PPP3CC: variants seen among roughly 807,000 people sequenced by gnomAD.
PPP3CC encodes serine/threonine-protein phosphatase 2B catalytic subunit gamma isoform.
Under a neutral mutation model 60.3 loss-of-function variants are expected in PPP3CC, and 35 were observed. The ratio of observed to expected loss-of-function variants is 0.58; its 90% CI spans 0.44 to 0.77. The LOEUF (loss-of-function observed/expected upper bound fraction) is 0.77. Ranked by LOEUF, PPP3CC falls within the 30% of genes least tolerant of loss-of-function variation. The pLI is 0.00. For missense variants in PPP3CC, 570 were observed against 628.9 expected, an observed-to-expected ratio of 0.91 and a Z score of 1.00; for synonymous variants, 206 against 224.3, an observed-to-expected ratio of 0.92 and a Z score of 0.73.
intron 3 of PPP3CC, among the ~76,000 whole-genome samples, chr8:22,479,509 T>C (rs1189422750): frequency 6.6e-6 from 1 of 151,882 alleles, no homozygotes. Context: ...GAGACAAATC[T>C]CTGAAATTAA....
chr8:22,510,628 G>A (rs945492608), intron 4 of PPP3CC, among the ~76,000 whole-genome samples: 2 of 152,168 alleles, frequency 1.3e-5, no homozygotes, highest in Middle Eastern at 3.2e-3. Flanking sequence ...CATCTCTCTT[G>A]CCCCCTCCCA....
intron 3 of PPP3CC, among the ~76,000 whole-genome samples, chr8:22,492,212 A>T (rs1040474326): frequency 5.9e-5 from 9 of 152,042 alleles, no homozygotes; most frequent in African/African-American, 1.7e-4. Context: ...TTGTGTGTCT[A>T]AACATATCTA....
intron 1 of PPP3CC, among the ~76,000 whole-genome samples, chr8:22,474,037 G>A (rs2132466522): frequency 6.6e-6 from 1 of 151,956 alleles, no homozygotes; most frequent in East Asian, 1.9e-4. Flanking sequence ...TGGGATTATG[G>A]GCACTTGTCA....
At chr8:22,503,962 T>C (rs1298907904) in intron 4 of PPP3CC, among the ~76,000 whole-genome samples, 2 of 152,192 alleles carry the variant, frequency 1.3e-5, no homozygotes, top group African/African-American at 2.4e-5. Flanking sequence ...CAGTGGCCAC[T>C]GTGGCTTTTA....
At chr8:22,510,182 C>CAAAAAAAAA (rs71546815) in intron 4 of PPP3CC, among the ~76,000 whole-genome samples, 3 of 88,274 alleles carry the variant, frequency 3.4e-5, no homozygotes, top group Non-Finnish European at 4.5e-5. Context: ...GACTCCGTCT[C>CAAAAAAAAA]AAAAAAAAAA....
intron 8 of PPP3CC, among the ~76,000 whole-genome samples, chr8:22,526,205 G>A (rs1406417370): frequency 2.0e-5 from 3 of 152,082 alleles, no homozygotes; most frequent in African/African-American, 7.2e-5. Context: ...CTAGTTACAC[G>A]AAAGACCTTT....
At position 22,531,601 on chromosome 8, in the gene PPP3CC, T is replaced by C. The variant is rs570809595; in HGVS notation, c.1142-624T>C. On this transcript the variant is annotated intron_variant, in intron 10 of 13. Coordinates refer to ENST00000240139, the MANE Select transcript of PPP3CC (RefSeq NM_005605.5). Reference sequence around the variant, plus strand: ...CCTTGGCTTCTCATGTGTGGGCTATTTTCAGAATCTTAGATAAGAAAAAGC... The same window carrying C: ...CCTTGGCTTCTCATGTGTGGGCTATCTTCAGAATCTTAGATAAGAAAAAGC... Among the ~76,000 whole-genome samples the C allele has an allele frequency of 3.3e-5, 5 of 152,334 alleles. No homozygotes were observed. In the South Asian group the frequency reaches 1.0e-3, roughly 32 times the overall value.
At chr8:22,472,222 C>G (rs1837744161) in intron 1 of PPP3CC, among the ~76,000 whole-genome samples, 1 of 147,356 alleles carries the variant, frequency 6.8e-6, no homozygotes, top group Non-Finnish European at 1.5e-5. Context: ...AACTTTTGGA[C>G]TTTTTTGTAA....
At chr8:22,518,125 C>G (rs1407703818) in intron 6 of PPP3CC, among the ~76,000 whole-genome samples, 2 of 151,376 alleles carry the variant, frequency 1.3e-5, no homozygotes, top group Non-Finnish European at 2.9e-5. Context: ...TGCAGTGGCA[C>G]AATGATACCT....
chr8:22,510,530 AGGATATAGG>A (rs1309440475), intron 4 of PPP3CC, among the ~76,000 whole-genome samples: 4 of 152,308 alleles, frequency 2.6e-5, no homozygotes, highest in Non-Finnish European at 5.9e-5. Flanking sequence ...TATACTTAAA[AGGATATAGG>A]TCAGGAAGGG....
chr8:22,506,983 A>G (rs1203735969), intron 4 of PPP3CC, among the ~76,000 whole-genome samples: 1 of 145,048 alleles, frequency 6.9e-6, no homozygotes, highest in South Asian at 2.2e-4. Context: ...AATTTGAGCT[A>G]TGTCTCACGC....
At chr8:22,482,496 C>G (rs28757371) in intron 3 of PPP3CC, among the ~76,000 whole-genome samples, 9,041 of 152,232 alleles carry the variant, frequency 0.059, 306 homozygotes, top group East Asian at 0.11. Flanking sequence ...CCTGTTCACT[C>G]TGATGATAGG....
At chr8:22,528,106 G>T (rs1839608695) in intron 9 of PPP3CC, among the ~76,000 whole-genome samples, 1 of 152,170 alleles carries the variant, frequency 6.6e-6, no homozygotes, top group African/African-American at 2.4e-5. Flanking sequence ...GATTTAAACA[G>T]AATTTATTGT....
intron 1 of PPP3CC, among the ~76,000 whole-genome samples, chr8:22,465,590 C>A (rs1395627586): frequency 6.6e-6 from 1 of 152,182 alleles, no homozygotes; most frequent in Non-Finnish European, 1.5e-5. Flanking sequence ...CTATCTCTTG[C>A]TCTCTCTTAT....
intron 1 of PPP3CC, among the ~76,000 whole-genome samples, chr8:22,459,731 G>A (rs1170398196): frequency 6.6e-6 from 1 of 152,090 alleles, no homozygotes; most frequent in East Asian, 1.9e-4. Context: ...CCCAGAATTT[G>A]TATGTTGAAA....
intron 8 of PPP3CC, among the ~76,000 whole-genome samples, chr8:22,525,511 T>C (rs985547999): frequency 1.0e-5 from 1 of 99,646 alleles, no homozygotes; most frequent in Non-Finnish European, 2.1e-5. Context: ...TCTTTCTTTC[T>C]TTCTTTCTTT....
chr8:22,493,024 A>T, intron 3 of PPP3CC: 1 of 1,318,842 alleles, frequency 7.6e-7, no homozygotes, highest in South Asian at 1.2e-5. Flanking sequence ...ACTGGAGAGG[A>T]TGACGATGAA....
At chr8:22,524,180 C>T (rs1839480224) in intron 8 of PPP3CC, among the ~76,000 whole-genome samples, 1 of 152,202 alleles carries the variant, frequency 6.6e-6, no homozygotes, top group East Asian at 1.9e-4. Flanking sequence ...GGACCACACT[C>T]ATCTGATAAA....
At position 22,500,594 on chromosome 8, in the gene PPP3CC, A is replaced by G. The variant is rs190201396; in HGVS notation, c.484+2482A>G. 4.3e-4 allele frequency among the ~76,000 whole-genome samples: 65 copies of G among 152,336 alleles called. 1 individual carries two copies. Among genetic ancestry groups the G allele is most frequent in the Admixed American group, 3.9e-3 (59 of 15,306 alleles). ...GCTATTTATAGTGTTTCATATGCTCATATGAATTCTTGCTACCAGTATCTT... is the reference window on the plus strand; with the variant it reads ...GCTATTTATAGTGTTTCATATGCTCGTATGAATTCTTGCTACCAGTATCTT... On this transcript the variant is annotated intron_variant, in intron 4 of 13. Coordinates refer to ENST00000240139, the MANE Select transcript of PPP3CC (RefSeq NM_005605.5).
Sources: gnomAD v4.1 joint callset for allele counts (sites outside exome capture counted in the v4.1 genomes callset) on GRCh38, gnomAD v4.1.1 for gene constraint, MANE v1.5 for transcripts, NCBI Gene and HGNC (gene_info 2026-07-23, HGNC 2026-07-21) for gene names.